PARP11: variants seen among roughly 807,000 people sequenced by gnomAD.
PARP11 encodes protein mono-ADP-ribosyltransferase PARP11.
A neutral mutation model predicts 42.9 loss-of-function variants in PARP11; 31 were observed. The ratio of observed to expected loss-of-function variants is 0.72; its 90% CI spans 0.54 to 0.98. The LOEUF (loss-of-function observed/expected upper bound fraction) is 0.98. Ranked by LOEUF, PARP11 falls within the 50% of genes least tolerant of loss-of-function variation. PARP11 has a pLI of 0.00. For missense variants in PARP11, 365 were observed against 413.1 expected, an observed-to-expected ratio of 0.88 and a Z score of 1.01; for synonymous variants, 137 against 127.3, an observed-to-expected ratio of 1.08 and a Z score of -0.51.
In PARP11 at chr12:3,810,643, G is replaced by T. The variant is rs1947151323; in HGVS notation, c.*1480C>A. The T allele has an allele frequency of 9.4e-6, 1 of 105,982 alleles. No individual in the cohort carries two copies. Among genetic ancestry groups the T allele is most frequent in the Non-Finnish European group, 1.9e-5 (1 of 51,844 alleles). 6.6% of individuals were successfully genotyped at this position (105,982 alleles called of 1,614,324 possible). On this transcript the variant is annotated 3_prime_UTR_variant, in exon 8 of 8. Transcript: ENST00000228820. ...GGGAGGAGGGAGGGAGGGAGGGAGGGAAAGAAGGAAGGAAGGAAGGAAGGA... is the reference window on the plus strand; with the variant it reads ...GGGAGGAGGGAGGGAGGGAGGGAGGTAAAGAAGGAAGGAAGGAAGGAAGGA...
chr12:3,837,814 G>A (rs1010655487), intron 1 of PARP11, among the ~76,000 whole-genome samples: 4 of 151,832 alleles, frequency 2.6e-5, no homozygotes, highest in African/African-American at 9.7e-5. Flanking sequence ...TATTTATAAA[G>A]AGATAAAATA....
At chr12:3,821,782 C>T (rs2138024753) in intron 6 of PARP11, 91 bp downstream of exon 6, 1 of 1,349,142 alleles carries the variant, frequency 7.4e-7, no homozygotes, top group Non-Finnish European at 1.0e-6. Context: ...AGCATGTCTA[C>T]ACCACTGAAA....
At chr12:3,849,772 T>C (rs139021786) in intron 1 of PARP11, among the ~76,000 whole-genome samples, 1 of 152,318 alleles carries the variant, frequency 6.6e-6, no homozygotes, top group African/African-American at 2.4e-5. Flanking sequence ...AGGGTGACTG[T>C]AGTTTACAAT....
chr12:3,842,511 C>G (rs146495210), intron 1 of PARP11: 1 of 1,581,948 alleles, frequency 6.3e-7, no homozygotes, highest in Non-Finnish European at 8.7e-7. Context: ...GGGGACAGCA[C>G]GCTTGACGGT....
At chr12:3,853,738 T>C (rs1948141503) in intron 1 of PARP11, among the ~76,000 whole-genome samples, 1 of 152,040 alleles carries the variant, frequency 6.6e-6, no homozygotes, top group Non-Finnish European at 1.5e-5. Context: ...AGACAGAAAG[T>C]TAACAAGGAT....
chr12:3,832,816 T>C (rs891296895), intron 1 of PARP11, among the ~76,000 whole-genome samples: 14 of 152,216 alleles, frequency 9.2e-5, no homozygotes, highest in African/African-American at 4.8e-5. Flanking sequence ...CACAATGCCA[T>C]ATCCTGTCTG....
intron 1 of PARP11, among the ~76,000 whole-genome samples, chr12:3,854,374 T>C (rs142950512): frequency 0.02 from 2,971 of 151,758 alleles, 142 homozygotes; most frequent in South Asian, 0.18. Flanking sequence ...ATCAACAAAA[T>C]TGATAGACCG....
rs569676150 is a variant in PARP11, at chr12:3,855,490, CAGAG to C, written c.18+17718_18+17721del. Among the ~76,000 whole-genome samples the C allele has an allele frequency of 3.9e-4, 60 of 152,164 alleles. No homozygotes were observed. The East Asian group carries it at 7.5e-3, about 19-fold the overall frequency. On this transcript the variant is annotated intron_variant, in intron 1 of 7. Coordinates refer to ENST00000228820, the MANE Select transcript of PARP11 (RefSeq NM_020367.6). ...CACAAGCATTCCTACACACCAATAA[CAGAG>C]AGCCAAATCATGAGTGAACTCCCAT...
intron 6 of PARP11, among the ~76,000 whole-genome samples, chr12:3,814,693 T>C (rs1947250833): frequency 6.6e-6 from 1 of 152,186 alleles, no homozygotes; most frequent in African/African-American, 2.4e-5. Flanking sequence ...TTCCCAAGGA[T>C]AAATCTATCC....
intron 1 of PARP11, among the ~76,000 whole-genome samples, chr12:3,865,322 T>C (rs1218436286): frequency 6.6e-6 from 1 of 152,160 alleles, no homozygotes; most frequent in African/African-American, 2.4e-5. Flanking sequence ...ATAAAACCCA[T>C]GTATTCAGCT....
Position 3,811,873 on chromosome 12 carries a change from T to A in PARP11, c.*250A>T. The A allele has an allele frequency of 2.3e-6, 1 of 432,720 alleles. No individual in the cohort carries two copies. The highest frequency in any genetic ancestry group is 4.0e-6 in the Non-Finnish European group (1 of 247,180). 26.8% of individuals were successfully genotyped at this position (432,720 alleles called of 1,614,324 possible). ...TCAGCTGATTCCATTTTGAATGGTA[T>A]CTTTCACCCCTATGTGTTAAAACAT... On this transcript the variant is annotated 3_prime_UTR_variant, in exon 8 of 8. Coordinates refer to ENST00000228820, the MANE Select transcript of PARP11 (RefSeq NM_020367.6).
chr12:3,811,885 A>T lies in PARP11; in HGVS notation c.*238T>A. The T allele has an allele frequency of 4.2e-6, 2 of 481,802 alleles. No homozygotes were observed. The highest frequency in any genetic ancestry group is 7.5e-5 in the South Asian group (2 of 26,516). The allele number at this position is 481,802 out of a possible 1,614,324, so 29.8% of individuals were successfully genotyped here. A position where few individuals can be genotyped will look rare whatever the true frequency, so the allele number is the denominator to read the frequency against. ...ATTTTGAATGGTATCTTTCACCCCTATGTGTTAAAACATCAATGATATCAA... is the reference window on the plus strand; with the variant it reads ...ATTTTGAATGGTATCTTTCACCCCTTTGTGTTAAAACATCAATGATATCAA... On this transcript the variant is annotated 3_prime_UTR_variant, in exon 8 of 8. Transcript: ENST00000228820.
chr12:3,857,182 C>T (rs908208017), intron 1 of PARP11, among the ~76,000 whole-genome samples: 8 of 151,526 alleles, frequency 5.3e-5, no homozygotes, highest in African/African-American at 1.2e-4. Context: ...ATGTAAATGA[C>T]GAGTTAATGG....
At chr12:3,870,171 TA>T (rs772258063) in intron 1 of PARP11, among the ~76,000 whole-genome samples, 4 of 152,172 alleles carry the variant, frequency 2.6e-5, no homozygotes, top group Non-Finnish European at 5.9e-5. Flanking sequence ...GAAACTAAAA[TA>T]AACTAACAAA....
intron 1 of PARP11, among the ~76,000 whole-genome samples, chr12:3,834,209 C>T (rs1172640464): frequency 6.6e-6 from 1 of 152,194 alleles, no homozygotes; most frequent in African/African-American, 2.4e-5. Context: ...CCTTCAGCCC[C>T]AGGAGCAGTG....
chr12:3,861,032 G>T lies in PARP11; in HGVS notation c.18+12180C>A, dbSNP rs1565551424. On this transcript the variant is annotated intron_variant, in intron 1 of 7. Coordinates refer to ENST00000228820, the MANE Select transcript of PARP11 (RefSeq NM_020367.6). This position sits in a 1 kb window ranked among gnomAD's most constrained non-coding sequence, Gnocchi z 4.6. ...GTTTCACAGGGTCACAGCTGGAGGA[G>T]AATTTGCCTCAGGATGAATCATACC... Among the ~76,000 whole-genome samples the T allele has an allele frequency of 6.6e-6, 1 of 152,292 alleles. No individual in the cohort carries two copies. The highest frequency in any genetic ancestry group is 6.5e-5 in the Admixed American group (1 of 15,294).
intron 1 of PARP11, among the ~76,000 whole-genome samples, chr12:3,831,485 A>G (rs748600853): frequency 3.9e-5 from 6 of 152,150 alleles, no homozygotes; most frequent in Admixed American, 1.3e-4. Flanking sequence ...TGTCTAGGCC[A>G]CAGTTGGCTC....
rs758449865 is a variant in PARP11, at chr12:3,812,446, CAA to C, written c.701-9_701-8del. 4 of 1,590,442 alleles carry C rather than the reference CAA, an allele frequency of 2.5e-6. No homozygotes were observed. In the African/African-American group the frequency reaches 5.4e-5, roughly 22 times the overall value. On this transcript the variant is annotated splice_region_variant and splice_polypyrimidine_tract_variant and intron_variant, in intron 7 of 7. Transcript: ENST00000228820. ...TCTCTAGCAAAATAGGTTCCTTAAA[CAA>C]AGAGGACCAAGAAAAGCCAAGATTA...
At chr12:3,823,808 C>T (rs908619014) in intron 4 of PARP11, among the ~76,000 whole-genome samples, 4 of 151,378 alleles carry the variant, frequency 2.6e-5, no homozygotes, top group African/African-American at 9.7e-5. Flanking sequence ...CTCAGCTACT[C>T]GGGAGGCTGA....
Sources: allele counts gnomAD v4.1 joint callset (sites outside exome capture counted in the v4.1 genomes callset), GRCh38; gene constraint gnomAD v4.1.1; non-coding constraint Gnocchi (gnomAD v3.1); transcripts MANE v1.5; gene names NCBI Gene and HGNC (gene_info 2026-07-23, HGNC 2026-07-21).